The following RTL4 variants were observed in gnomAD, a reference collection of about 807,000 sequenced individuals.
The protein encoded by RTL4 is retrotransposon Gag like 4.
Under a neutral mutation model 5.3 loss-of-function variants are expected in RTL4, and 4 were observed. That is an observed-to-expected ratio of 0.75 (90% CI 0.37 to 1.72). The LOEUF (loss-of-function observed/expected upper bound fraction) is 1.72. RTL4 is among the 40% of genes most tolerant of loss of function. The probability of loss-of-function intolerance (pLI) is 0.04; values close to 1 mark genes in which losing one functional copy is unlikely to be tolerated. For missense variants in RTL4, 260 were observed against 227.1 expected (o/e 1.14, Z -0.93); for synonymous variants, 98 against 87.3 (o/e 1.12, Z -0.68).
the RTL4 span, among the ~76,000 whole-genome samples, chrX:112,169,746 A>G: frequency 9.0e-6 from 1 of 111,480 alleles, no homozygotes; most frequent in South Asian, 3.8e-4. Flanking sequence ...CCTGGTTTCA[A>G]CTTCCATATA....
At chrX:112,294,666 T>G in the RTL4 span, among the ~76,000 whole-genome samples, 3 of 112,082 alleles carry the variant, frequency 2.7e-5, no homozygotes, top group Non-Finnish European at 5.6e-5. Flanking sequence ...AAAACTACTT[T>G]TCATATCTGC....
chrX:112,331,443 C>T, the RTL4 span, among the ~76,000 whole-genome samples: 1 of 107,114 alleles, frequency 9.3e-6, no homozygotes, highest in African/African-American at 3.4e-5. Flanking sequence ...AAATGCAAAT[C>T]AAAAGCACAA....
the RTL4 span, among the ~76,000 whole-genome samples, chrX:112,392,430 G>A: frequency 3.6e-5 from 4 of 112,085 alleles, no homozygotes; most frequent in Non-Finnish European, 7.5e-5. Context: ...AAACAGCACA[G>A]ATGGTGGCCT....
chrX:112,352,082 G>A, the RTL4 span, among the ~76,000 whole-genome samples: 2 of 110,978 alleles, frequency 1.8e-5, no homozygotes, highest in Non-Finnish European at 3.8e-5. Flanking sequence ...AAATCTCTCA[G>A]CATTTGCTTG....
the RTL4 span, among the ~76,000 whole-genome samples, chrX:112,351,042 G>A: frequency 1.7e-3 from 184 of 111,192 alleles, no homozygotes; most frequent in African/African-American, 5.7e-3. Flanking sequence ...CTTTGAATGT[G>A]TCCCAGAGAT....
chrX:112,434,393 T>G, the RTL4 span, among the ~76,000 whole-genome samples: 1 of 111,568 alleles, frequency 9.0e-6, no homozygotes, highest in Middle Eastern at 4.6e-3. Flanking sequence ...AGCTATTGAT[T>G]ATTGCCACAA....
At chrX:112,160,135 A>T in the RTL4 span, among the ~76,000 whole-genome samples, 1 of 112,351 alleles carries the variant, frequency 8.9e-6, no homozygotes, top group South Asian at 3.7e-4. Context: ...GTTGCGGCAG[A>T]ATCTGAATAC....
At chrX:112,196,541 G>GT in the RTL4 span, among the ~76,000 whole-genome samples, 20 of 110,702 alleles carry the variant, frequency 1.8e-4, no homozygotes, top group East Asian at 1.4e-3. Flanking sequence ...TTGCATACTA[G>GT]TTTTTTTTTA....
At chrX:112,273,777 A>G in the RTL4 span, among the ~76,000 whole-genome samples, 1 of 111,488 alleles carries the variant, frequency 9.0e-6, no homozygotes, top group East Asian at 2.8e-4. Context: ...TGAGCAAGTA[A>G]CTTAACCTTT....
At chrX:112,336,914 G>T in the RTL4 span, among the ~76,000 whole-genome samples, 807 of 112,285 alleles carry the variant, frequency 7.2e-3, 11 homozygotes, top group African/African-American at 0.025. Flanking sequence ...AATGAGTATG[G>T]CTAGGTTCCA....
At chrX:112,130,226 T>TTTTTC in the RTL4 span, among the ~76,000 whole-genome samples, 14 of 109,272 alleles carry the variant, frequency 1.3e-4, no homozygotes, top group East Asian at 2.0e-3. Context: ...CACTAGTTGA[T>TTTTTC]TTTTCTTTTC....
the RTL4 span, among the ~76,000 whole-genome samples, chrX:112,404,055 C>T: frequency 9.0e-6 from 1 of 110,973 alleles, no homozygotes; most frequent in Non-Finnish European, 1.9e-5. Flanking sequence ...AGTTTACACC[C>T]CCCATTTCTC....
chrX:112,119,203 T>C, the RTL4 span, among the ~76,000 whole-genome samples: 1 of 110,340 alleles, frequency 9.1e-6, no homozygotes. Context: ...GTATAGACTA[T>C]TCTTTCAAAA....
At chrX:112,290,739 T>C in the RTL4 span, among the ~76,000 whole-genome samples, 1 of 112,387 alleles carries the variant, frequency 8.9e-6, no homozygotes, top group Non-Finnish European at 1.9e-5. Flanking sequence ...CAGAGTTGTT[T>C]TAGCAATTAA....
At chrX:112,448,088 C>A in the RTL4 span, among the ~76,000 whole-genome samples, 1 of 111,986 alleles carries the variant, frequency 8.9e-6, no homozygotes, top group Non-Finnish European at 1.9e-5. Flanking sequence ...GTCATCTCAT[C>A]AGTTGCAAGT....
At chrX:112,201,141 G>A in the RTL4 span, among the ~76,000 whole-genome samples, 1 of 111,169 alleles carries the variant, frequency 9.0e-6, no homozygotes, top group African/African-American at 3.3e-5. Context: ...GCAAGAAGAA[G>A]TGCTGAGCGA....
chrX:112,083,044 TGGAA>T, the RTL4 span, among the ~76,000 whole-genome samples: 1 of 107,766 alleles, frequency 9.3e-6, no homozygotes, highest in Admixed American at 9.8e-5. Context: ...CGGCCAGGGG[TGGAA>T]GGAAGCCGCA....
At chrX:112,393,147 C>CTTTTTTTTTTTTTTT in the RTL4 span, among the ~76,000 whole-genome samples, 2 of 81,490 alleles carry the variant, frequency 2.5e-5, no homozygotes, top group Non-Finnish European at 2.3e-5. Context: ...TTCTTTCTTT[C>CTTTTTTTTTTTTTTT]TTTTTTTTTT....
chrX:112,143,618 A>AT, the RTL4 span, among the ~76,000 whole-genome samples: 8 of 111,662 alleles, frequency 7.2e-5, no homozygotes, highest in South Asian at 3.7e-4. Context: ...TTCAATCAGA[A>AT]TTTTTTTTAT....
Sources: gnomAD v4.1 joint callset for allele counts (sites outside exome capture counted in the v4.1 genomes callset) on GRCh38, gnomAD v4.1.1 for gene constraint, MANE v1.5 for transcripts, NCBI Gene and HGNC (gene_info 2026-07-23, HGNC 2026-07-21) for gene names.